Variants in BICRA observed in about 807,000 individuals in gnomAD.
BICRA encodes BRD4-interacting chromatin-remodeling complex-associated protein.
Under a neutral mutation model 96.9 loss-of-function variants are expected in BICRA, and 31 were observed. The observed-to-expected ratio is 0.32, with a 90% confidence interval of 0.24 to 0.43. BICRA has a LOEUF of 0.43. Among genes scored for constraint, BICRA ranks in the 20% least tolerant of loss-of-function variants. The pLI, the probability that BICRA is intolerant of heterozygous loss-of-function variation, is 1.00. For missense variants in BICRA, 2,283 were observed against 2,190.3 expected (o/e 1.04, Z -0.84); for synonymous variants, 1,350 against 1,071.8 (o/e 1.26, Z -5.07).
chr19:47,677,383 G>A (rs1172216451), intron 5 of BICRA, among the ~76,000 whole-genome samples: 1 of 152,174 alleles, frequency 6.6e-6, no homozygotes, highest in Non-Finnish European at 1.5e-5. Context: ...TTGCAGTCCA[G>A]GATAGCATGA....
chr19:47,619,233 C>CTTTTTTTTTTTCCT (rs58149355), intron 1 of BICRA, among the ~76,000 whole-genome samples: 1 of 136,406 alleles, frequency 7.3e-6, no homozygotes, highest in Non-Finnish European at 1.5e-5. Flanking sequence ...TTCCCAACCC[C>CTTTTTTTTTTTCCT]TTTTTTTTTT....
chr19:47,700,941 T>TG (rs1308384395), intron 14 of BICRA: 8 of 244,970 alleles, frequency 3.3e-5, no homozygotes, highest in African/African-American at 6.9e-5. Flanking sequence ...ATTTATTGTT[T>TG]TTTTGTTTGT....
Position 47,699,091 on chromosome 19 carries a change from GCTC to G in BICRA, c.3492+39_3492+41del. The G allele has an allele frequency of 2.9e-6, 4 of 1,360,164 alleles. No homozygotes were observed. The highest frequency in any genetic ancestry group is 4.1e-6 in the Non-Finnish European group (4 of 975,434). 84.3% of individuals were successfully genotyped at this position (1,360,164 alleles called of 1,614,324 possible). ...TCAGAGTCGCCTTCCTCGCCTCTGG[GCTC>G]CTCCTCGCTGGGACACTGCCCCTTT... On this transcript the variant is annotated intron_variant, in intron 13 of 14. Coordinates refer to ENST00000594866, the MANE Select transcript of BICRA (RefSeq NM_001394372.1). The surrounding 1 kb of genome is among the most constrained non-coding windows in gnomAD (Gnocchi z 5.0).
chr19:47,631,960 C>T (rs1326499430), intron 1 of BICRA, among the ~76,000 whole-genome samples: 1 of 152,184 alleles, frequency 6.6e-6, no homozygotes, highest in Non-Finnish European at 1.5e-5. Context: ...TTCCCTGCTT[C>T]TTTTAAATGG....
chr19:47,609,340 T>C (rs1275880315), intron 1 of BICRA, among the ~76,000 whole-genome samples, 172 bp downstream of exon 1: 1 of 139,874 alleles, frequency 7.1e-6, no homozygotes, highest in Non-Finnish European at 1.5e-5. Flanking sequence ...ACTCTCACAC[T>C]CAGCCCCCCA....
intron 1 of BICRA, among the ~76,000 whole-genome samples, chr19:47,627,818 G>A (rs1972162824): frequency 6.6e-6 from 1 of 152,150 alleles, no homozygotes. Context: ...TGCCCAGGCT[G>A]GAGTGCAGTG....
rs187320042 is a variant in BICRA, at chr19:47,653,863, G to A, written c.-107-16580G>A. Among the ~76,000 whole-genome samples the A allele has an allele frequency of 1.4e-4, 21 of 152,120 alleles. No homozygotes were observed. In the East Asian group the frequency reaches 3.5e-3, roughly 25 times the overall value. ...TTTTGTTTTTTTGAAACTGAGTTTC[G>A]CTCTTGTTGCCCAGGCTGGAGTGCA... On this transcript the variant is annotated intron_variant, in intron 1 of 14. Coordinates refer to ENST00000594866, the MANE Select transcript of BICRA (RefSeq NM_001394372.1).
Position 47,685,790 on chromosome 19 carries a change from C to CGCGCGCGCGCAT in BICRA, c.2283+3642_2283+3653dup, listed in dbSNP as rs1555790153. ...GTGTGTGTGTGTGTGTGTGTGTGCG[C>CGCGCGCGCGCAT]GCGCGCGCGCATGCGTACATTTTCC... On this transcript the variant is annotated intron_variant, in intron 7 of 14. Transcript: ENST00000594866. Among the ~76,000 whole-genome samples the CGCGCGCGCGCAT allele has an allele frequency of 2.1e-4, 19 of 88,770 alleles. 1 individual carries two copies. In the East Asian group the frequency reaches 6.1e-3, roughly 28 times the overall value. 58.2% of individuals were successfully genotyped at this position (88,770 alleles called of 152,430 possible).
At chr19:47,660,562 C>T (rs955025558) in intron 1 of BICRA, among the ~76,000 whole-genome samples, 2 of 152,328 alleles carry the variant, frequency 1.3e-5, no homozygotes, top group East Asian at 1.9e-4. Context: ...GTTAAGTCCA[C>T]GTACCAGGTG....
chr19:47,702,168 C>T lies in BICRA; in HGVS notation c.4436C>T (p.Ser1479Leu), dbSNP rs751739407. 7 of 1,572,270 alleles carry T rather than the reference C, an allele frequency of 4.5e-6. No homozygotes were observed. The African/African-American group carries it at 5.5e-5, about 12-fold the overall frequency. The change falls in exon 15 of 15, where the codon TCG becomes TTG. Residue 1479 changes from serine (S) to leucine (L), a missense_variant. By Grantham distance (145) the Ser-to-Leu change is moderately radical. Transcript: ENST00000594866. ...LPPAKRRKSESPDVDQASFSS... is the reference protein window; with the variant it reads ...LPPAKRRKSELPDVDQASFSS... ...CCTGCCAAGCGGCGCAAGTCCGAGT[C>T]GCCCGACGTGGACCAGGCCAGCTTC... is the stretch of plus-strand genomic sequence containing the variant.
At chr19:47,638,131 T>C (rs547504966) in intron 1 of BICRA, among the ~76,000 whole-genome samples, 1 of 152,196 alleles carries the variant, frequency 6.6e-6, no homozygotes, top group African/African-American at 2.4e-5. Flanking sequence ...CTCCTGCTCT[T>C]TCTTTGTGTA....
At chr19:47,630,169 T>A (rs1972200866) in intron 1 of BICRA, among the ~76,000 whole-genome samples, 1 of 146,432 alleles carries the variant, frequency 6.8e-6, no homozygotes. Context: ...CTTTTTTTTT[T>A]TTTTTTTTTG....
At chr19:47,635,026 T>C (rs749502030) in intron 1 of BICRA, among the ~76,000 whole-genome samples, 33 of 152,230 alleles carry the variant, frequency 2.2e-4, no homozygotes, top group Non-Finnish European at 3.7e-4. Flanking sequence ...CCTCCCAAAG[T>C]GCTGGGATTA....
At position 47,685,782 on chromosome 19, in the gene BICRA, T is replaced by C. The variant is rs866320481; in HGVS notation, c.2283+3630T>C. ...GTGTGTGTGTGTGTGTGTGTGTGTG[T>C]GTGTGCGCGCGCGCGCGCATGCGTA... On this transcript the variant is annotated intron_variant, in intron 7 of 14. Coordinates refer to ENST00000594866, the MANE Select transcript of BICRA (RefSeq NM_001394372.1). Among the ~76,000 whole-genome samples, 584 of 124,760 alleles carry C rather than the reference T, an allele frequency of 4.7e-3. 7 individuals are homozygous for C. Among genetic ancestry groups the C allele is most frequent in the East Asian group, 0.016 (51 of 3,268 alleles). The allele number at this position is 124,760 out of a possible 152,430, so 81.8% of individuals were successfully genotyped here. A position where few individuals can be genotyped will look rare whatever the true frequency, so the allele number is the denominator to read the frequency against.
chr19:47,679,360 G>A lies in BICRA; in HGVS notation c.190G>A (p.Glu64Lys). 2 of 1,433,484 alleles carry A rather than the reference G, an allele frequency of 1.4e-6. No homozygotes were observed. The highest frequency in any genetic ancestry group is 9.2e-7 in the Non-Finnish European group (1 of 1,091,730). 88.8% of individuals were successfully genotyped at this position (1,433,484 alleles called of 1,614,324 possible). A position where few individuals can be genotyped will look rare whatever the true frequency, so the allele number is the denominator to read the frequency against. Residue 64 changes from glutamate to lysine, a missense_variant, in exon 6 of 15, where the codon GAG (glutamate) becomes AAG (lysine). Coordinates refer to ENST00000594866, the MANE Select transcript of BICRA (RefSeq NM_001394372.1). ...AGCTTCCGGCAACCACCTGAACCCA[G>A]AGCCCAACCAGCCGGCCCCCAGTGT... ...QEASGNHLNP[E>K]PNQPAPSVDL...
intron 1 of BICRA, among the ~76,000 whole-genome samples, chr19:47,614,644 CA>C (rs1181603469): frequency 1.3e-5 from 2 of 152,172 alleles, no homozygotes; most frequent in African/African-American, 4.8e-5. Flanking sequence ...AACAGACAAA[CA>C]AAAAACTATT....
intron 1 of BICRA, among the ~76,000 whole-genome samples, chr19:47,628,065 G>A (rs898439766): frequency 7.2e-5 from 11 of 152,232 alleles, no homozygotes; most frequent in African/African-American, 2.7e-4. Flanking sequence ...ACCGCGCCGG[G>A]CCAGGGTGTG....
At chr19:47,669,077 C>CT (rs1303889640) in intron 1 of BICRA, among the ~76,000 whole-genome samples, 1 of 151,788 alleles carries the variant, frequency 6.6e-6, no homozygotes, top group African/African-American at 2.4e-5. Flanking sequence ...GCACTCCAGC[C>CT]TGGGTGATAG....
chr19:47,672,144 A>T (rs1422523396), intron 2 of BICRA, among the ~76,000 whole-genome samples: 7 of 133,710 alleles, frequency 5.2e-5, no homozygotes, highest in Admixed American at 1.5e-4. Flanking sequence ...GGATGGAAGG[A>T]TGGAGCATGG....
Sources: gnomAD v4.1 joint callset for allele counts (sites outside exome capture counted in the v4.1 genomes callset) on GRCh38, gnomAD v4.1.1 for gene constraint, Gnocchi (gnomAD v3.1) non-coding constraint, MANE v1.5 for transcripts, NCBI Gene and HGNC (gene_info 2026-07-23, HGNC 2026-07-21) for gene names.